FLI1: variants seen among roughly 807,000 people sequenced by gnomAD.
FLI1 encodes the protein Friend leukemia integration 1 transcription factor.
In FLI1, 13 loss-of-function variants were observed where a neutral mutation model predicts 53.1. The observed-to-expected ratio is 0.24, with a 90% CI of 0.16 to 0.39. FLI1 has a LOEUF of 0.39. Ranked by LOEUF, FLI1 falls within the 10% of genes least tolerant of loss-of-function variation. FLI1 has a pLI of 1.00. For missense variants in FLI1, 424 were observed against 600.5 expected (o/e 0.71, Z 3.07); for synonymous variants, 244 against 236.7 (o/e 1.03, Z -0.28).
chr11:128,783,256 G>A (rs1395250190), intron 5 of FLI1, among the ~76,000 whole-genome samples: 6 of 152,234 alleles, frequency 3.9e-5, no homozygotes, highest in Admixed American at 6.5e-5. Context: ...CGCATGGGGT[G>A]TGAAGGAAAC....
intron 1 of FLI1, among the ~76,000 whole-genome samples, chr11:128,713,735 A>C (rs1306185903): frequency 1.3e-5 from 2 of 152,172 alleles, no homozygotes. Flanking sequence ...TCAGAGGTCA[A>C]AGGCTTCCTT....
chr11:128,783,992 A>G (rs1434419116), intron 5 of FLI1, among the ~76,000 whole-genome samples: 1 of 151,330 alleles, frequency 6.6e-6, no homozygotes, highest in African/African-American at 2.4e-5. Flanking sequence ...TAAGGAAGGA[A>G]GGGAGGGAAG....
intron 1 of FLI1, among the ~76,000 whole-genome samples, chr11:128,697,008 G>A (rs1246200909): frequency 6.6e-6 from 1 of 152,008 alleles, no homozygotes; most frequent in Non-Finnish European, 1.5e-5. Flanking sequence ...TCCAAGAACG[G>A]CTCCTGGAAA....
At chr11:128,722,113 G>T (rs61907857) in intron 1 of FLI1, among the ~76,000 whole-genome samples, 1 of 152,128 alleles carries the variant, frequency 6.6e-6, no homozygotes, top group Non-Finnish European at 1.5e-5. Flanking sequence ...CTTGCCATGG[G>T]TTCACTCCTT....
At chr11:128,753,416 TAGG>T (rs1315244519) in intron 1 of FLI1, among the ~76,000 whole-genome samples, 1 of 152,078 alleles carries the variant, frequency 6.6e-6, no homozygotes, top group African/African-American at 2.4e-5. Context: ...TCAGCAACAA[TAGG>T]AGAAGCAAAG....
Position 128,810,870 on chromosome 11 carries a change from GCTT to G in FLI1, c.1245_1247del (p.Phe416del). 1 of 1,614,020 alleles carries G rather than the reference GCTT, an allele frequency of 6.2e-7. No individual in the cohort carries two copies. The highest frequency in any genetic ancestry group is 1.3e-5 in the African/African-American group (1 of 75,052). Reference sequence around the variant, plus strand: ...TCCTCCATGCCTGTCACTTCCTCCAGCTTCTTTGGAGCCGCATCACAATACTGG... The same window carrying G: ...TCCTCCATGCCTGTCACTTCCTCCAGCTTTGGAGCCGCATCACAATACTGG... On this transcript the variant is annotated inframe_deletion, in exon 9 of 9. Coordinates refer to ENST00000527786, the MANE Select transcript of FLI1 (RefSeq NM_002017.5). The surrounding 1 kb of genome is among the most constrained non-coding windows in gnomAD (Gnocchi z 6.6).
chr11:128,745,797 C>T (rs1940359275), intron 1 of FLI1, among the ~76,000 whole-genome samples: 1 of 152,220 alleles, frequency 6.6e-6, no homozygotes, highest in African/African-American at 2.4e-5. Context: ...TTGCCTTCGT[C>T]CCCCTGCCAG....
At chr11:128,785,370 A>G (rs189702455) in intron 5 of FLI1, among the ~76,000 whole-genome samples, 5 of 151,912 alleles carry the variant, frequency 3.3e-5, no homozygotes, top group African/African-American at 9.7e-5. Context: ...TATTATCTCT[A>G]TTTTGCAGAC....
intron 1 of FLI1, among the ~76,000 whole-genome samples, chr11:128,698,212 C>T (rs535290683): frequency 2.4e-4 from 37 of 152,220 alleles, no homozygotes; most frequent in Non-Finnish European, 4.6e-4. Context: ...TACTTGGGAA[C>T]AGAGGCTTGA....
At chr11:128,796,054 A>G (rs1942433691) in intron 5 of FLI1, among the ~76,000 whole-genome samples, 1 of 152,192 alleles carries the variant, frequency 6.6e-6, no homozygotes, top group Non-Finnish European at 1.5e-5. Context: ...CACACAGCTC[A>G]TAACTGACAG....
At chr11:128,760,520 C>CTTATT (rs1565486162) in intron 2 of FLI1, among the ~76,000 whole-genome samples, 3 of 103,572 alleles carry the variant, frequency 2.9e-5, no homozygotes, top group East Asian at 2.5e-4. Context: ...GTGGAGATTC[C>CTTATT]TTTTTTTTTT....
In FLI1 at chr11:128,768,173, G is replaced by A. The variant is rs565481092; in HGVS notation, c.286G>A (p.Glu96Lys). Residue 96 changes from glutamate (E) to lysine (K), a missense_variant, in exon 3 of 9, where the codon GAG (glutamate) becomes AAG (lysine). Glu to Lys is a moderately conservative substitution (Grantham distance 56, BLOSUM62 1). Transcript: ENST00000527786. ...SKCSKLVGGG[E>K]SNPMNYNSYM... ...ATGCAGCAAGCTGGTGGGCGGAGGCGAGTCCAACCCCATGAACTACAACAG... is the reference window on the plus strand; with the variant it reads ...ATGCAGCAAGCTGGTGGGCGGAGGCAAGTCCAACCCCATGAACTACAACAG... The A allele has an allele frequency of 1.8e-5, 29 of 1,613,810 alleles. No homozygotes were observed. Among genetic ancestry groups the A allele is most frequent in the Non-Finnish European group, 2.4e-5 (28 of 1,179,818 alleles).
intron 1 of FLI1, among the ~76,000 whole-genome samples, chr11:128,724,317 G>T (rs1939380031): frequency 6.6e-6 from 1 of 152,160 alleles, no homozygotes; most frequent in African/African-American, 2.4e-5. Flanking sequence ...GCACGGAAAG[G>T]GTGTGAACAT....
chr11:128,756,963 G>A (rs189174723), intron 1 of FLI1, among the ~76,000 whole-genome samples: 1 of 152,254 alleles, frequency 6.6e-6, no homozygotes, highest in African/African-American at 2.4e-5. Context: ...GCTCACTGCA[G>A]CCTCTACTTC....
Position 128,811,141 on chromosome 11 carries a change from A to AT in FLI1, c.*161dup, listed in dbSNP as rs1339755588. 28 of 720,756 alleles carry AT rather than the reference A, an allele frequency of 3.9e-5. No individual in the cohort carries two copies. The highest frequency in any genetic ancestry group is 5.6e-5 in the South Asian group (3 of 53,162). The allele number at this position is 720,756 out of a possible 1,614,324, so 44.6% of individuals were successfully genotyped here. A position where few individuals can be genotyped will look rare whatever the true frequency, so the allele number is the denominator to read the frequency against. ...ACCTTTGTATTTGTTCTTTAAAAAC[A>AT]TTTTTTTTAATGTTGGTAACTTTTG... On this transcript the variant is annotated 3_prime_UTR_variant, in exon 9 of 9. Coordinates refer to ENST00000527786, the MANE Select transcript of FLI1 (RefSeq NM_002017.5).
intron 2 of FLI1, among the ~76,000 whole-genome samples, chr11:128,763,086 G>A (rs1941188840): frequency 6.6e-6 from 1 of 152,172 alleles, no homozygotes; most frequent in African/African-American, 2.4e-5. Context: ...TTGACAGCAT[G>A]GGCTTCTGAG....
chr11:128,688,485 C>T (rs1022977674), intron 1 of FLI1, among the ~76,000 whole-genome samples: 3 of 152,318 alleles, frequency 2.0e-5, no homozygotes, highest in African/African-American at 7.2e-5. Context: ...GCCAGAGGGG[C>T]ACAAACAGTT....
At chr11:128,791,393 C>T (rs1235970388) in intron 5 of FLI1, among the ~76,000 whole-genome samples, 2 of 152,146 alleles carry the variant, frequency 1.3e-5, no homozygotes, top group Non-Finnish European at 2.9e-5. Context: ...CCCTTTAGGG[C>T]CGTGGTCAGA....
chr11:128,779,372 C>T (rs1388680578), intron 4 of FLI1, among the ~76,000 whole-genome samples: 2 of 152,198 alleles, frequency 1.3e-5, no homozygotes, highest in Non-Finnish European at 2.9e-5. Flanking sequence ...TTTGTATTCC[C>T]TCCGAACATT....
Sources: gnomAD v4.1 joint callset for allele counts (sites outside exome capture counted in the v4.1 genomes callset) on GRCh38, gnomAD v4.1.1 for gene constraint, Gnocchi (gnomAD v3.1) non-coding constraint, MANE v1.5 for transcripts, NCBI Gene and HGNC (gene_info 2026-07-23, HGNC 2026-07-21) for gene names.